Variants in GRM8 observed in about 807,000 individuals in gnomAD.
GRM8 encodes glutamate metabotropic receptor 8, also known as metabotropic glutamate receptor 8.
In GRM8, 47 loss-of-function variants were observed where a neutral mutation model predicts 87.2. That is an observed-to-expected ratio of 0.54 (90% confidence interval 0.43 to 0.69). The LOEUF is 0.69. Ranked by LOEUF, GRM8 falls within the 30% of genes least tolerant of loss-of-function variation. The pLI is 0.00. For missense variants in GRM8, 1,019 were observed against 1,139.2 expected, an observed-to-expected ratio of 0.89 and a Z score of 1.52; for synonymous variants, 396 against 404.5, an observed-to-expected ratio of 0.98 and a Z score of 0.25.
chr7:126,516,785 T>C (rs1434499273), intron 9 of GRM8, among the ~76,000 whole-genome samples: 2 of 152,144 alleles, frequency 1.3e-5, no homozygotes, highest in African/African-American at 4.8e-5. Flanking sequence ...TATATCTTAC[T>C]TTATCTAAGA....
At chr7:126,726,807 C>G (rs1457667515) in intron 7 of GRM8, among the ~76,000 whole-genome samples, 1 of 152,104 alleles carries the variant, frequency 6.6e-6, no homozygotes, top group African/African-American at 2.4e-5. Context: ...GCCCAGCAAA[C>G]CTTCCAATCT....
chr7:127,063,987 G>A (rs1820866956), intron 3 of GRM8, among the ~76,000 whole-genome samples: 1 of 152,164 alleles, frequency 6.6e-6, no homozygotes, highest in Non-Finnish European at 1.5e-5. Context: ...TTGTCTGAGA[G>A]TGTGTTTGGT....
intron 3 of GRM8, among the ~76,000 whole-genome samples, chr7:126,958,608 T>C (rs1457641940): frequency 6.6e-6 from 1 of 152,078 alleles, no homozygotes; most frequent in Non-Finnish European, 1.5e-5. Flanking sequence ...TTAGCAGGTG[T>C]GGGATCCAGA....
chr7:126,792,545 A>G (rs1389651570), intron 6 of GRM8, among the ~76,000 whole-genome samples: 1 of 152,164 alleles, frequency 6.6e-6, no homozygotes, highest in Non-Finnish European at 1.5e-5. Flanking sequence ...ACTCTAAATT[A>G]CTCTCAGCTT....
At chr7:126,691,397 G>A (rs577323044) in intron 7 of GRM8, among the ~76,000 whole-genome samples, 30 of 152,316 alleles carry the variant, frequency 2.0e-4, no homozygotes, top group Non-Finnish European at 4.3e-4. Context: ...GGGCAAAGGG[G>A]CTTCCCAGGC....
chr7:127,180,806 A>T (rs1273874220), intron 2 of GRM8, among the ~76,000 whole-genome samples: 3 of 152,168 alleles, frequency 2.0e-5, no homozygotes, highest in Non-Finnish European at 2.9e-5. Context: ...CTTTATGATT[A>T]AAACTCTCAG....
intron 3 of GRM8, among the ~76,000 whole-genome samples, chr7:127,098,846 A>G (rs1329748846): frequency 1.3e-5 from 2 of 152,174 alleles, no homozygotes; most frequent in African/African-American, 4.8e-5. Context: ...GTATGCAATG[A>G]TGACTTGAAG....
At chr7:126,789,685 C>CA (rs756008077) in intron 6 of GRM8, among the ~76,000 whole-genome samples, 7 of 152,080 alleles carry the variant, frequency 4.6e-5, no homozygotes, top group Non-Finnish European at 8.8e-5. Flanking sequence ...AAATGCTCTC[C>CA]AAAAAATATA....
intron 3 of GRM8, among the ~76,000 whole-genome samples, chr7:127,085,061 G>A (rs1021763501): frequency 6.6e-6 from 1 of 152,194 alleles, no homozygotes; most frequent in African/African-American, 2.4e-5. Context: ...AGAACATGCA[G>A]TGTTTGGTTT....
chr7:127,072,569 A>G (rs1395518490), intron 3 of GRM8, among the ~76,000 whole-genome samples: 2 of 151,768 alleles, frequency 1.3e-5, no homozygotes, highest in Non-Finnish European at 2.9e-5. Context: ...CCACTGTTTC[A>G]TGAGAATTTT....
chr7:126,948,261 A>G (rs1419009142), intron 3 of GRM8, among the ~76,000 whole-genome samples: 1 of 151,916 alleles, frequency 6.6e-6, no homozygotes, highest in Non-Finnish European at 1.5e-5. Context: ...GAGACAGGGA[A>G]TTTTTCATGG....
chr7:126,562,146 A>T (rs1303353035), intron 8 of GRM8, among the ~76,000 whole-genome samples: 4 of 152,154 alleles, frequency 2.6e-5, no homozygotes, highest in Non-Finnish European at 5.9e-5. Flanking sequence ...GACATGATAA[A>T]ACCATAAACT....
At chr7:126,603,926 C>T (rs1305412491) in intron 8 of GRM8, among the ~76,000 whole-genome samples, 8 of 151,830 alleles carry the variant, frequency 5.3e-5, no homozygotes, top group Admixed American at 5.3e-4. Flanking sequence ...ACTTCAAAAC[C>T]ATTTTAATAT....
chr7:126,704,220 T>C (rs967867249), intron 7 of GRM8, among the ~76,000 whole-genome samples: 1 of 152,204 alleles, frequency 6.6e-6, no homozygotes. Flanking sequence ...TATAATTTCT[T>C]ATGCCTGTCT....
chr7:126,471,711 C>T (rs1322095512), intron 9 of GRM8, among the ~76,000 whole-genome samples: 1,706 of 151,116 alleles, frequency 0.011, 26 homozygotes, highest in African/African-American at 0.039. Flanking sequence ...AAAGTAGTTT[C>T]TTCCAATTCT....
At chr7:127,207,264 T>C (rs1261982759) in intron 2 of GRM8, among the ~76,000 whole-genome samples, 15 of 152,172 alleles carry the variant, frequency 9.9e-5, no homozygotes, top group Admixed American at 8.5e-4. Context: ...ATTTGAACCA[T>C]CAGAACCCTT....
chr7:126,627,398 GT>G (rs1400689178), intron 7 of GRM8, among the ~76,000 whole-genome samples: 1 of 152,164 alleles, frequency 6.6e-6, no homozygotes, highest in Admixed American at 6.6e-5. Context: ...GTAGTTTCAT[GT>G]TTCAGAAACC....
At chr7:127,250,299 T>C (rs1490878735) in intron 1 of GRM8, among the ~76,000 whole-genome samples, 1 of 152,262 alleles carries the variant, frequency 6.6e-6, no homozygotes, top group African/African-American at 2.4e-5. Flanking sequence ...CTTCCTTTTC[T>C]CTATTCCTTT....
intron 9 of GRM8, among the ~76,000 whole-genome samples, chr7:126,482,107 C>A (rs1806756972): frequency 6.6e-6 from 1 of 151,936 alleles, no homozygotes; most frequent in Non-Finnish European, 1.5e-5. Context: ...TATGAGACAC[C>A]ACCTGATACC....
Sources: gnomAD v4.1 joint callset for allele counts (sites outside exome capture counted in the v4.1 genomes callset) on GRCh38, gnomAD v4.1.1 for gene constraint, MANE v1.5 for transcripts, NCBI Gene and HGNC (gene_info 2026-07-23, HGNC 2026-07-21) for gene names.